PSPC1: variants seen among roughly 807,000 people sequenced by gnomAD.
PSPC1 encodes paraspeckle protein 1.
PSPC1 carries 14 observed loss-of-function variants against 51.6 expected under a neutral mutation model. The observed-to-expected ratio is 0.27, with a 90% CI of 0.18 to 0.42. The LOEUF (loss-of-function observed/expected upper bound fraction) is 0.42. PSPC1 is among the 10% of genes least tolerant of loss of function. The probability of loss-of-function intolerance (pLI) is 1.00; values close to 1 mark genes in which losing one functional copy is unlikely to be tolerated. For synonymous variants in PSPC1, 193 were observed against 231.9 expected (o/e 0.83, Z 1.53); for missense variants, 406 against 701.1 (o/e 0.58, Z 4.75).
At chr13:19,765,851 G>A (rs1888020105) in intron 2 of PSPC1, among the ~76,000 whole-genome samples, 1 of 151,926 alleles carries the variant, frequency 6.6e-6, no homozygotes, top group South Asian at 2.1e-4. Context: ...TTATCAGCAG[G>A]TTTTCCTAGA....
intron 2 of PSPC1, among the ~76,000 whole-genome samples, chr13:19,760,691 A>G (rs1212890107): frequency 6.6e-6 from 1 of 151,658 alleles, no homozygotes; most frequent in East Asian, 2.0e-4. Context: ...CTGTCTCTAT[A>G]AAAAATTTTA....
At chr13:19,753,102 G>A (rs921369552) in intron 3 of PSPC1, among the ~76,000 whole-genome samples, 3 of 151,670 alleles carry the variant, frequency 2.0e-5, no homozygotes, top group Non-Finnish European at 4.4e-5. Flanking sequence ...CCAACATGGC[G>A]AAACCGCCCC....
chr13:19,673,000 G>A (rs551830666), downstream of PSPC1: 1 of 427,598 alleles, frequency 2.3e-6, no homozygotes, highest in South Asian at 1.7e-5. Flanking sequence ...AGGCTGCAGT[G>A]AGCCGTGAAA....
intron 3 of PSPC1, among the ~76,000 whole-genome samples, chr13:19,753,215 G>A (rs369798928): frequency 8.6e-5 from 13 of 151,026 alleles, no homozygotes; most frequent in African/African-American, 2.4e-4. Context: ...CTCGGGAGAC[G>A]GAGGTTACAG....
chr13:19,721,827 G>GT (rs796734949), intron 6 of PSPC1, among the ~76,000 whole-genome samples: 11 of 152,252 alleles, frequency 7.2e-5, no homozygotes, highest in African/African-American at 2.6e-4. Context: ...AAAAAAAATT[G>GT]TTTCTTTGGC....
Position 19,748,352 on chromosome 13 carries a change from G to C in PSPC1, c.967+2919C>G, listed in dbSNP as rs149972927. ...TGGATCAAATAAGTACAAGTACTTC[G>C]GCACAAGTGAACCCAGAAGCAGGGA... On this transcript the variant is annotated intron_variant, in intron 4 of 8. Coordinates refer to ENST00000338910, the MANE Select transcript of PSPC1 (RefSeq NM_001354909.2). Among the ~76,000 whole-genome samples, 966 of 152,184 alleles carry C rather than the reference G, an allele frequency of 6.3e-3. 3 individuals carry two copies. Among genetic ancestry groups the C allele is most frequent in the Non-Finnish European group, 9.8e-3 (665 of 68,022 alleles).
At chr13:19,752,566 T>C (rs989920043) in intron 3 of PSPC1, among the ~76,000 whole-genome samples, 24 of 152,024 alleles carry the variant, frequency 1.6e-4, no homozygotes, top group African/African-American at 5.5e-4. Flanking sequence ...CCAGTCAATT[T>C]TTTTTTCACT....
intron 6 of PSPC1, among the ~76,000 whole-genome samples, chr13:19,716,387 G>A (rs1234926460): frequency 6.6e-6 from 1 of 152,196 alleles, no homozygotes; most frequent in African/African-American, 2.4e-5. Context: ...TGCTTTAACT[G>A]TGTCAACTGG....
chr13:19,767,047 G>A (rs1163405344), intron 2 of PSPC1, among the ~76,000 whole-genome samples: 3 of 151,460 alleles, frequency 2.0e-5, no homozygotes, highest in Admixed American at 2.0e-4. Flanking sequence ...AGTGGCTCAT[G>A]TCTGTAATCC....
chr13:19,760,049 C>T (rs888391764), intron 2 of PSPC1, among the ~76,000 whole-genome samples: 4 of 152,104 alleles, frequency 2.6e-5, no homozygotes, highest in Non-Finnish European at 5.9e-5. Context: ...GTCATCATCA[C>T]AGCCACTGCT....
intron 4 of PSPC1, among the ~76,000 whole-genome samples, chr13:19,750,672 C>T (rs1464070213): frequency 1.3e-5 from 2 of 152,044 alleles, no homozygotes; most frequent in Non-Finnish European, 2.9e-5. Context: ...AATTTGCCTG[C>T]TATGTTTCTG....
At chr13:19,777,225 T>C (rs1254669545) in intron 1 of PSPC1, among the ~76,000 whole-genome samples, 1 of 148,588 alleles carries the variant, frequency 6.7e-6, no homozygotes, top group African/African-American at 2.5e-5. Context: ...AGGTCAGGAG[T>C]TCGAGACCAG....
At chr13:19,741,210 G>A (rs1182057153) in intron 5 of PSPC1, among the ~76,000 whole-genome samples, 2 of 152,026 alleles carry the variant, frequency 1.3e-5, no homozygotes, top group African/African-American at 4.8e-5. Flanking sequence ...GAAGCACAAA[G>A]TTACATAAAG....
chr13:19,743,961 A>T (rs1192210529), intron 4 of PSPC1, among the ~76,000 whole-genome samples: 1 of 151,992 alleles, frequency 6.6e-6, no homozygotes, highest in Non-Finnish European at 1.5e-5. Flanking sequence ...CACAAAAATT[A>T]GCCAGGCGTG....
intron 1 of PSPC1, among the ~76,000 whole-genome samples, chr13:19,774,819 C>CAAAAAAAAAAAAAA (rs1301247582): frequency 7.4e-6 from 1 of 135,718 alleles, no homozygotes; most frequent in Non-Finnish European, 1.6e-5. Flanking sequence ...AAAAAAAAAA[C>CAAAAAAAAAAAAAA]AAAAAAAAAA....
intron 6 of PSPC1, among the ~76,000 whole-genome samples, chr13:19,721,111 G>A (rs1882717443): frequency 6.6e-6 from 1 of 152,060 alleles, no homozygotes; most frequent in Non-Finnish European, 1.5e-5. Flanking sequence ...TCCTCAATAT[G>A]AAGTATAGAA....
chr13:19,671,268 G>A (rs781029395), downstream of PSPC1: 16 of 1,613,774 alleles, frequency 9.9e-6, no homozygotes, highest in Non-Finnish European at 1.3e-5. Context: ...TCATAAGGTT[G>A]ACAGAAGCAC....
intron 5 of PSPC1, among the ~76,000 whole-genome samples, chr13:19,736,001 T>A (rs1884741228): frequency 6.6e-6 from 1 of 152,038 alleles, no homozygotes; most frequent in South Asian, 2.1e-4. Context: ...TTTGTATTTT[T>A]AGTAAAGACA....
chr13:19,700,918 A>AT (rs1452289230), downstream of PSPC1, among the ~76,000 whole-genome samples: 1 of 152,350 alleles, frequency 6.6e-6, no homozygotes, highest in East Asian at 1.9e-4. Context: ...AGAAAAAAAA[A>AT]TTGACTGAAC....
Sources: allele counts gnomAD v4.1 joint callset (sites outside exome capture counted in the v4.1 genomes callset), GRCh38; gene constraint gnomAD v4.1.1; transcripts MANE v1.5; gene names NCBI Gene and HGNC (gene_info 2026-07-23, HGNC 2026-07-21).